CPNE8: variants seen among roughly 807,000 people sequenced by gnomAD.
The protein encoded by CPNE8 is copine-8.
A neutral mutation model predicts 81.5 loss-of-function variants in CPNE8; 45 were observed. The ratio of observed to expected loss-of-function variants is 0.55; its 90% CI spans 0.44 to 0.71. CPNE8 has a LOEUF of 0.71. Ranked by LOEUF, CPNE8 falls within the 30% of genes least tolerant of loss-of-function variation. The probability of loss-of-function intolerance (pLI) is 0.00; values close to 1 mark genes in which losing one functional copy is unlikely to be tolerated. For synonymous variants in CPNE8, 252 were observed against 226.3 expected (o/e 1.11, Z -1.02); for missense variants, 594 against 672.1 (o/e 0.88, Z 1.28).
intron 6 of CPNE8, among the ~76,000 whole-genome samples, chr12:38,826,550 A>G (rs916281860): frequency 2.0e-5 from 3 of 152,138 alleles, no homozygotes; most frequent in African/African-American, 7.2e-5. Flanking sequence ...AAATTCTCCC[A>G]ACATCTGCAT....
chr12:38,744,218 C>T (rs1213028506), intron 10 of CPNE8, among the ~76,000 whole-genome samples: 2 of 152,136 alleles, frequency 1.3e-5, no homozygotes, highest in Non-Finnish European at 2.9e-5. Context: ...CTAAACCTTA[C>T]ATAAGAAAGC....
intron 18 of CPNE8, 103 bp downstream of exon 18, chr12:38,675,614 C>A: frequency 1.3e-6 from 1 of 745,156 alleles, no homozygotes; most frequent in Non-Finnish European, 2.3e-6. Context: ...CCCAAATACA[C>A]AGTCACATCC....
chr12:38,895,887 G>A (rs1035627284), intron 1 of CPNE8, among the ~76,000 whole-genome samples: 1 of 152,040 alleles, frequency 6.6e-6, no homozygotes, highest in African/African-American at 2.4e-5. Context: ...GACATATATG[G>A]ATAGGAACTC....
chr12:38,699,351 A>T (rs11169169), intron 14 of CPNE8, among the ~76,000 whole-genome samples: 2 of 152,034 alleles, frequency 1.3e-5, no homozygotes, highest in South Asian at 2.1e-4. Flanking sequence ...CACTGGTGCT[A>T]GTCACCTTTT....
intron 1 of CPNE8, among the ~76,000 whole-genome samples, chr12:38,884,941 C>G (rs1944217614): frequency 6.6e-6 from 1 of 152,070 alleles, no homozygotes; most frequent in Admixed American, 6.6e-5. Flanking sequence ...TGATTAGGAT[C>G]CTTGAGATTT....
chr12:38,652,333 T>C lies in CPNE8; in HGVS notation c.*1549A>G, dbSNP rs547175207. The C allele has an allele frequency of 3.6e-4, 55 of 152,606 alleles. No homozygotes were observed. The highest frequency in any genetic ancestry group is 1.2e-3 in the African/African-American group (51 of 41,578). 9.5% of individuals were successfully genotyped at this position (152,606 alleles called of 1,614,324 possible). ...GAAATCATCAAACTATTGTCATTCATACATGAAACGTACAAAGCAAATAGT... is the reference window on the plus strand; with the variant it reads ...GAAATCATCAAACTATTGTCATTCACACATGAAACGTACAAAGCAAATAGT... On this transcript the variant is annotated 3_prime_UTR_variant, in exon 20 of 20. Coordinates refer to ENST00000331366, the MANE Select transcript of CPNE8 (RefSeq NM_153634.3).
chr12:38,900,615 T>TAGGGCAGGGCAA (rs1944447040), intron 1 of CPNE8, among the ~76,000 whole-genome samples: 1 of 151,902 alleles, frequency 6.6e-6, no homozygotes, highest in South Asian at 2.1e-4. Context: ...GGAAGGGAGG[T>TAGGGCAGGGCAA]AGGGCAGGGC....
At position 38,893,278 on chromosome 12, in the gene CPNE8, A is replaced by G. The variant is rs573652302; in HGVS notation, c.98+12159T>C. 2.6e-5 allele frequency among the ~76,000 whole-genome samples: 4 copies of G among 152,328 alleles called. No homozygotes were observed. In the East Asian group the frequency reaches 7.7e-4, roughly 29 times the overall value. On this transcript the variant is annotated intron_variant, in intron 1 of 19. Coordinates refer to ENST00000331366, the MANE Select transcript of CPNE8 (RefSeq NM_153634.3). Reference sequence around the variant, plus strand: ...AGGTTAAGGCATTTAGTCACAGAATAAGATAGAAGTTCAGCACAAGATACA... The same window carrying G: ...AGGTTAAGGCATTTAGTCACAGAATGAGATAGAAGTTCAGCACAAGATACA...
chr12:38,864,337 TTCATGCTACAGTAGCTAGAGAGACTATAA>T (rs2137087351), intron 3 of CPNE8, among the ~76,000 whole-genome samples: 1 of 152,296 alleles, frequency 6.6e-6, no homozygotes, highest in East Asian at 1.9e-4. Context: ...GATGGCTGCT[TTCATGCTACAGTAGCTAGAGAGACTATAA>T]GGCCCACCTA....
At chr12:38,656,943 C>T (rs538822311) in intron 19 of CPNE8, among the ~76,000 whole-genome samples, 1 of 152,162 alleles carries the variant, frequency 6.6e-6, no homozygotes, top group Non-Finnish European at 1.5e-5. Context: ...CTCTGGTCTG[C>T]AGCTCCCAGC....
At position 38,806,203 on chromosome 12, in the gene CPNE8, A is replaced by T. The variant is rs1471817315; in HGVS notation, c.407+23176T>A. 1.3e-5 allele frequency among the ~76,000 whole-genome samples: 2 copies of T among 150,342 alleles called. 1 individual carries two copies. Among genetic ancestry groups the T allele is most frequent in the East Asian group, 4.4e-4 (2 of 4,566 alleles). On this transcript the variant is annotated intron_variant, in intron 6 of 19. Transcript: ENST00000331366. ...GGAGGAACTGGTAGCATTCCTTCTGAAACTATTCCAATCAATAGAAAAAGA... is the reference window on the plus strand; with the variant it reads ...GGAGGAACTGGTAGCATTCCTTCTGTAACTATTCCAATCAATAGAAAAAGA...
chr12:38,889,987 C>G (rs1017840968), intron 1 of CPNE8, among the ~76,000 whole-genome samples: 1 of 152,166 alleles, frequency 6.6e-6, no homozygotes, highest in Admixed American at 6.5e-5. Context: ...TTGATGGTGC[C>G]TCTTGTTGAC....
At chr12:38,699,866 A>G (rs988774017) in intron 14 of CPNE8, among the ~76,000 whole-genome samples, 4 of 152,088 alleles carry the variant, frequency 2.6e-5, no homozygotes. Flanking sequence ...TCATTTTCTA[A>G]TTGTTTCTTG....
intron 13 of CPNE8, 119 bp from the exon 14 acceptor site, chr12:38,703,040 A>C (rs1939988646): frequency 1.5e-6 from 1 of 670,548 alleles, no homozygotes; most frequent in Admixed American, 2.6e-5. Context: ...ATTAAGAGCA[A>C]TATATTACAG....
At chr12:38,730,743 T>C (rs1309860014) in intron 10 of CPNE8, among the ~76,000 whole-genome samples, 1 of 151,632 alleles carries the variant, frequency 6.6e-6, no homozygotes, top group Non-Finnish European at 1.5e-5. Context: ...TGGATATATA[T>C]TTTTAAAATA....
intron 1 of CPNE8, among the ~76,000 whole-genome samples, chr12:38,875,757 C>T (rs1944057050): frequency 6.6e-6 from 1 of 152,172 alleles, no homozygotes; most frequent in Admixed American, 6.5e-5. Flanking sequence ...AAACATCAGA[C>T]ATACTCATAT....
chr12:38,742,673 TATAAATAAATAAATAA>T (rs1555151385), intron 10 of CPNE8, among the ~76,000 whole-genome samples: 4 of 68,756 alleles, frequency 5.8e-5, no homozygotes, highest in African/African-American at 1.1e-4. Flanking sequence ...GAACTTAAAA[TATAAATAAATAAATAA>T]ATAAATAAAT....
rs911509505 is a variant in CPNE8, at chr12:38,701,705, G to A, written c.961+1170C>T. ...GATGGGGTTTCACCATGTTGGCCAC[G>A]CTGGTCTCAAACTACTGACCTCAGG... On this transcript the variant is annotated intron_variant, in intron 14 of 19. Transcript: ENST00000331366. Among the ~76,000 whole-genome samples the A allele has an allele frequency of 3.9e-5, 6 of 152,164 alleles. No individual in the cohort carries two copies. The East Asian group carries it at 7.7e-4, about 20-fold the overall frequency.
In CPNE8 at chr12:38,653,622, A is replaced by AAAAAAAAAAAAAG; in HGVS notation, c.*259_*260insCTTTTTTTTTTTT. 3.5e-6 allele frequency: 1 copy of AAAAAAAAAAAAAG among 282,390 alleles called. No homozygotes were observed. The highest frequency in any genetic ancestry group is 6.7e-6 in the Non-Finnish European group (1 of 148,706). 17.5% of individuals were successfully genotyped at this position (282,390 alleles called of 1,614,324 possible). On this transcript the variant is annotated 3_prime_UTR_variant, in exon 20 of 20. Coordinates refer to ENST00000331366, the MANE Select transcript of CPNE8 (RefSeq NM_153634.3). ...TGGAAATTAGCTGTTTCTGTTAAAA[A>AAAAAAAAAAAAAG]AAAAAAGAAAGAAAGATTTAGAGAA... is the stretch of plus-strand genomic sequence containing the variant.
Sources: allele counts gnomAD v4.1 joint callset (sites outside exome capture counted in the v4.1 genomes callset), GRCh38; gene constraint gnomAD v4.1.1; transcripts MANE v1.5; gene names NCBI Gene and HGNC (gene_info 2026-07-23, HGNC 2026-07-21).